GNA14: variants seen among roughly 807,000 people sequenced by gnomAD.
GNA14 encodes the protein G protein subunit alpha 14, also known as guanine nucleotide-binding protein subunit alpha-14.
A neutral mutation model predicts 42.0 loss-of-function variants in GNA14; 50 were observed. The ratio of observed to expected loss-of-function variants is 1.19; its 90% CI spans 0.95 to 1.51. The LOEUF is 1.51. Among genes scored for constraint, GNA14 ranks in the 40% most tolerant of loss-of-function variants. The pLI, the probability that GNA14 is intolerant of heterozygous loss-of-function variation, is 0.00. For missense variants in GNA14, 473 were observed against 446.2 expected (o/e 1.06, Z -0.54); for synonymous variants, 173 against 163.1 (o/e 1.06, Z -0.46).
intron 1 of GNA14, among the ~76,000 whole-genome samples, chr9:77,537,136 A>G (rs1306490151): frequency 6.6e-6 from 1 of 152,088 alleles, no homozygotes; most frequent in Non-Finnish European, 1.5e-5. Flanking sequence ...GTTGCTAATT[A>G]TGGTCACTCT....
intron 2 of GNA14, among the ~76,000 whole-genome samples, chr9:77,518,476 G>T (rs1026427685): frequency 6.6e-6 from 1 of 152,024 alleles, no homozygotes; most frequent in African/African-American, 2.4e-5. Context: ...GGGATCGGGA[G>T]TTCAGAGCCT....
Position 77,644,437 on chromosome 9 carries a change from C to CAAAAAAAAAAAAAAAAAAAA in GNA14, c.124+3213_124+3232dup, listed in dbSNP as rs764737417. On this transcript the variant is annotated intron_variant, in intron 1 of 6. Coordinates refer to ENST00000341700, the MANE Select transcript of GNA14 (RefSeq NM_004297.4). ...TACTGAACTCCAACCTAAAGAGTGT[C>CAAAAAAAAAAAAAAAAAAAA]AAAAAAAAAAAAAAAAAAAAAAAAA... Among the ~76,000 whole-genome samples the CAAAAAAAAAAAAAAAAAAAA allele has an allele frequency of 3.5e-4, 12 of 34,018 alleles. 2 individuals are homozygous for CAAAAAAAAAAAAAAAAAAAA. The highest frequency in any genetic ancestry group is 8.2e-4 in the African/African-American group (7 of 8,576). 22.3% of individuals were successfully genotyped at this position (34,018 alleles called of 152,430 possible).
chr9:77,641,006 A>T (rs1490368692), intron 1 of GNA14, among the ~76,000 whole-genome samples: 1 of 144,996 alleles, frequency 6.9e-6, no homozygotes, highest in Non-Finnish European at 1.5e-5. Flanking sequence ...TGAAGTAAAA[A>T]ATCATTGAGG....
intron 1 of GNA14, among the ~76,000 whole-genome samples, chr9:77,571,957 G>C (rs930122089): frequency 2.0e-5 from 3 of 151,796 alleles, no homozygotes; most frequent in East Asian, 1.9e-4. Flanking sequence ...GCTCATAAGA[G>C]AATCTGTGTT....
At chr9:77,497,767 A>T (rs1056024692) in intron 2 of GNA14, among the ~76,000 whole-genome samples, 1 of 152,192 alleles carries the variant, frequency 6.6e-6, no homozygotes, top group East Asian at 1.9e-4. Context: ...ATATTTATAT[A>T]CATATGTACT....
intron 2 of GNA14, among the ~76,000 whole-genome samples, chr9:77,503,447 G>A (rs1335687645): frequency 6.6e-6 from 1 of 152,142 alleles, no homozygotes; most frequent in Admixed American, 6.6e-5. Flanking sequence ...CTTCAACTGA[G>A]CTTCCCATAG....
At chr9:77,632,192 T>C (rs770706473) in intron 1 of GNA14, among the ~76,000 whole-genome samples, 7 of 152,188 alleles carry the variant, frequency 4.6e-5, no homozygotes, top group Non-Finnish European at 7.3e-5. Flanking sequence ...CAGAGCAAAG[T>C]TGGGGCCATG....
chr9:77,550,063 G>A (rs1396275030), intron 1 of GNA14, among the ~76,000 whole-genome samples: 3 of 152,064 alleles, frequency 2.0e-5, no homozygotes, highest in Admixed American at 6.6e-5. Flanking sequence ...TCTAGCCAGG[G>A]TGCACATAAA....
chr9:77,633,126 A>G (rs1047269903), intron 1 of GNA14, among the ~76,000 whole-genome samples: 2 of 152,144 alleles, frequency 1.3e-5, no homozygotes, highest in Non-Finnish European at 2.9e-5. Flanking sequence ...GCTAGCGGAG[A>G]AGGAGGATGA....
intron 1 of GNA14, among the ~76,000 whole-genome samples, chr9:77,564,340 C>T (rs1378169584): frequency 6.6e-6 from 1 of 151,582 alleles, no homozygotes; most frequent in Non-Finnish European, 1.5e-5. Flanking sequence ...CAAGGGATCT[C>T]TCTGTCGCCC....
At chr9:77,633,444 C>A (rs1218430705) in intron 1 of GNA14, among the ~76,000 whole-genome samples, 2 of 152,026 alleles carry the variant, frequency 1.3e-5, no homozygotes, top group South Asian at 2.1e-4. Flanking sequence ...GGCAGAGGGT[C>A]ATTAGGGGAC....
chr9:77,479,162 C>A (rs1281878013), intron 2 of GNA14, among the ~76,000 whole-genome samples: 8 of 151,632 alleles, frequency 5.3e-5, no homozygotes, highest in Non-Finnish European at 1.0e-4. Context: ...TTAGGTCTAA[C>A]ATTTAAGTCT....
chr9:77,437,540 AAGAAAG>A (rs1048791193), intron 2 of GNA14, among the ~76,000 whole-genome samples: 1 of 151,026 alleles, frequency 6.6e-6, no homozygotes, highest in East Asian at 1.9e-4. Flanking sequence ...GACCCTGTAT[AAGAAAG>A]AGAAAGAGAG....
intron 1 of GNA14, among the ~76,000 whole-genome samples, chr9:77,556,204 A>G (rs2131785315): frequency 6.6e-6 from 1 of 152,342 alleles, no homozygotes; most frequent in South Asian, 2.1e-4. Flanking sequence ...AGATCCCTCC[A>G]TTGCACTACA....
At chr9:77,492,511 A>G (rs535127279) in intron 2 of GNA14, among the ~76,000 whole-genome samples, 1 of 152,258 alleles carries the variant, frequency 6.6e-6, no homozygotes, top group Admixed American at 6.5e-5. Flanking sequence ...AATGCAAAGA[A>G]TCATTAGAGA....
intron 2 of GNA14, among the ~76,000 whole-genome samples, chr9:77,460,424 A>T (rs1191805670): frequency 6.6e-6 from 1 of 152,200 alleles, no homozygotes; most frequent in African/African-American, 2.4e-5. Flanking sequence ...CCCTGCCGAC[A>T]CCTTGATTTC....
intron 2 of GNA14, among the ~76,000 whole-genome samples, chr9:77,457,895 C>CT (rs969221757): frequency 1.3e-5 from 2 of 150,056 alleles, no homozygotes; most frequent in African/African-American, 4.9e-5. Flanking sequence ...TTTTCTTTTT[C>CT]TTTTTTCTTG....
At chr9:77,462,607 G>A (rs1836127303) in intron 2 of GNA14, among the ~76,000 whole-genome samples, 1 of 151,880 alleles carries the variant, frequency 6.6e-6, no homozygotes, top group South Asian at 2.1e-4. Context: ...TGTAATCCCG[G>A]CTACTCGGGA....
At chr9:77,606,216 G>C (rs1198695838) in intron 1 of GNA14, among the ~76,000 whole-genome samples, 1 of 152,042 alleles carries the variant, frequency 6.6e-6, no homozygotes, top group Non-Finnish European at 1.5e-5. Context: ...TTTCCAAAAG[G>C]GAAAGAAAAA....
Sources: gnomAD v4.1 joint callset for allele counts (sites outside exome capture counted in the v4.1 genomes callset) on GRCh38, gnomAD v4.1.1 for gene constraint, MANE v1.5 for transcripts, NCBI Gene and HGNC (gene_info 2026-07-23, HGNC 2026-07-21) for gene names.